Variants in CTNNA2 observed in about 807,000 individuals in gnomAD.
CTNNA2 encodes the protein catenin alpha 2.
CTNNA2 carries 42 observed loss-of-function variants against 101.0 expected under a neutral mutation model. That is an observed-to-expected ratio of 0.42 (90% CI 0.32 to 0.54). The LOEUF is 0.54. CTNNA2 is among the 20% of genes least tolerant of loss of function. The probability of loss-of-function intolerance (pLI) is 0.14; values close to 1 mark genes in which losing one functional copy is unlikely to be tolerated. For synonymous variants in CTNNA2, 450 were observed against 456.4 expected, an observed-to-expected ratio of 0.99 and a Z score of 0.18; for missense variants, 871 against 1,223.1, an observed-to-expected ratio of 0.71 and a Z score of 4.29.
Position 79,971,360 on chromosome 2 carries a change from A to G in CTNNA2, c.1056+61563A>G, listed in dbSNP as rs552131203. ...TCATATTTCCTTATATCGTTTATTA[A>G]TAGTTTCATATATACATCTCATTTC... is the stretch of plus-strand genomic sequence containing the variant. On this transcript the variant is annotated intron_variant, in intron 7 of 18. Coordinates refer to ENST00000402739, the MANE Select transcript of CTNNA2 (RefSeq NM_001282597.3). Among the ~76,000 whole-genome samples, 3 of 152,256 alleles carry G rather than the reference A, an allele frequency of 2.0e-5. 1 individual carries two copies. The highest frequency in any genetic ancestry group is 7.2e-5 in the African/African-American group (3 of 41,544).
At chr2:80,294,864 A>T (rs1261479904) in intron 7 of CTNNA2, among the ~76,000 whole-genome samples, 2 of 152,150 alleles carry the variant, frequency 1.3e-5, no homozygotes, top group East Asian at 3.9e-4. Flanking sequence ...AGGGAAAATA[A>T]CTTTACAACA....
At chr2:79,287,382 G>T (rs985149564) in intron 2 of CTNNA2, among the ~76,000 whole-genome samples, 26 of 152,068 alleles carry the variant, frequency 1.7e-4, no homozygotes, top group African/African-American at 6.3e-4. Context: ...CCATCTTTGT[G>T]GTTTTATCTA....
At chr2:79,703,391 C>T (rs76968046) in intron 2 of CTNNA2, among the ~76,000 whole-genome samples, 1 of 152,048 alleles carries the variant, frequency 6.6e-6, no homozygotes, top group Admixed American at 6.5e-5. Context: ...TTCAATTTCT[C>T]TTAAGTGTTA....
intron 3 of CTNNA2, among the ~76,000 whole-genome samples, chr2:79,772,862 G>A (rs1449479144): frequency 6.6e-6 from 1 of 152,128 alleles, no homozygotes; most frequent in Non-Finnish European, 1.5e-5. Flanking sequence ...CTAATGATTA[G>A]CACCATATTA....
chr2:80,256,040 A>G (rs1672113598), intron 7 of CTNNA2, among the ~76,000 whole-genome samples: 1 of 152,006 alleles, frequency 6.6e-6, no homozygotes, highest in Non-Finnish European at 1.5e-5. Flanking sequence ...TGGATAGGGG[A>G]TGTATTAAAT....
chr2:80,619,281 G>C, intron 18 of CTNNA2, 53 bp downstream of exon 18: 1 of 1,415,214 alleles, frequency 7.1e-7, no homozygotes, highest in South Asian at 1.7e-5. Flanking sequence ...CATGAATTCT[G>C]AAGGCAGGGG....
chr2:79,336,977 C>G (rs187518162), intron 3 of CTNNA2, among the ~76,000 whole-genome samples: 2 of 152,306 alleles, frequency 1.3e-5, no homozygotes, highest in East Asian at 3.9e-4. Flanking sequence ...TCCCTGAGAT[C>G]AAGCCTGCTT....
chr2:79,386,207 T>C (rs913555531), intron 4 of CTNNA2, among the ~76,000 whole-genome samples: 1 of 152,140 alleles, frequency 6.6e-6, no homozygotes, highest in African/African-American at 2.4e-5. Flanking sequence ...GCCTCTGGAG[T>C]AGATTCTACT....
In CTNNA2 at chr2:79,398,336, AC is replaced by A. The variant is rs1678253680; in HGVS notation, c.-135+24325del. ...CAGCTATTCTTCATGTGAACCACCTACCATATAAAGCATGATTTTTCAAATT... is the reference window on the plus strand; with the variant it reads ...CAGCTATTCTTCATGTGAACCACCTACATATAAAGCATGATTTTTCAAATT... On this transcript the variant is annotated intron_variant, in intron 4 of 21. Coordinates refer to the CTNNA2 transcript ENST00000466387. 2.0e-5 allele frequency among the ~76,000 whole-genome samples: 3 copies of A among 152,222 alleles called. No homozygotes were observed. The South Asian group carries it at 6.2e-4, about 32-fold the overall frequency.
At chr2:79,553,331 C>T (rs887232119) in intron 1 of CTNNA2, among the ~76,000 whole-genome samples, 1 of 152,130 alleles carries the variant, frequency 6.6e-6, no homozygotes, top group African/African-American at 2.4e-5. Context: ...TCACATCTTC[C>T]TGTCTTCTTC....
chr2:79,789,990 G>GA (rs1675145698), intron 3 of CTNNA2, among the ~76,000 whole-genome samples: 1 of 152,070 alleles, frequency 6.6e-6, no homozygotes, highest in Non-Finnish European at 1.5e-5. Context: ...CAGCCAATTA[G>GA]AAAAACAGAT....
At chr2:79,592,900 T>C (rs1459697644) in intron 1 of CTNNA2, among the ~76,000 whole-genome samples, 1 of 152,148 alleles carries the variant, frequency 6.6e-6, no homozygotes, top group Admixed American at 6.5e-5. Context: ...CTAAGGAGCT[T>C]CTCAGAGGTA....
intron 8 of CTNNA2, among the ~76,000 whole-genome samples, chr2:80,413,352 A>G (rs1382577697): frequency 6.6e-6 from 1 of 152,204 alleles, no homozygotes; most frequent in Non-Finnish European, 1.5e-5. Flanking sequence ...TGCTTCATGA[A>G]AGACAGTTGG....
chr2:80,089,582 CA>C (rs1157629956), intron 7 of CTNNA2, among the ~76,000 whole-genome samples: 2 of 151,400 alleles, frequency 1.3e-5, no homozygotes, highest in African/African-American at 4.9e-5. Context: ...ATAAAAGAAA[CA>C]ACAAAATGCA....
chr2:79,888,754 T>G (rs904231355), intron 6 of CTNNA2, among the ~76,000 whole-genome samples: 6 of 152,208 alleles, frequency 3.9e-5, no homozygotes, highest in African/African-American at 1.4e-4. Flanking sequence ...TTTGAGAATA[T>G]TGACAGATTC....
At chr2:80,062,898 G>A (rs1697703393) in intron 7 of CTNNA2, among the ~76,000 whole-genome samples, 2 of 151,890 alleles carry the variant, frequency 1.3e-5, no homozygotes, top group Admixed American at 6.6e-5. Context: ...GCAGAGATGG[G>A]GTTTCACCGT....
At chr2:79,929,833 G>A (rs1687268599) in intron 7 of CTNNA2, among the ~76,000 whole-genome samples, 1 of 152,142 alleles carries the variant, frequency 6.6e-6, no homozygotes, top group Non-Finnish European at 1.5e-5. Flanking sequence ...GTTCTTGACG[G>A]AAAAATTTTG....
intron 4 of CTNNA2, among the ~76,000 whole-genome samples, chr2:79,860,546 G>GTTTTTTTTT (rs56929879): frequency 0.032 from 3,423 of 107,024 alleles, 186 homozygotes; most frequent in East Asian, 0.12. Flanking sequence ...AGTAAGGGAA[G>GTTTTTTTTT]TTTTTTTTTT....
intron 3 of CTNNA2, among the ~76,000 whole-genome samples, chr2:79,825,309 T>C (rs1322095710): frequency 6.6e-6 from 1 of 152,190 alleles, no homozygotes; most frequent in African/African-American, 2.4e-5. Flanking sequence ...ATGCTGTCGA[T>C]TTTCAGATTA....
Sources: gnomAD v4.1 joint callset for allele counts (sites outside exome capture counted in the v4.1 genomes callset) on GRCh38, gnomAD v4.1.1 for gene constraint, MANE v1.5 for transcripts, NCBI Gene and HGNC (gene_info 2026-07-23, HGNC 2026-07-21) for gene names.